Variants in PDC observed in about 807,000 individuals in gnomAD.
PDC encodes the protein phosducin.
A neutral mutation model predicts 22.2 loss-of-function variants in PDC; 19 were observed. That is an observed-to-expected ratio of 0.86 (90% CI 0.60 to 1.26). The LOEUF (loss-of-function observed/expected upper bound fraction) is 1.26. PDC is among the 50% of genes most tolerant of loss of function. The probability of loss-of-function intolerance (pLI) is 0.00; values close to 1 mark genes in which losing one functional copy is unlikely to be tolerated. For synonymous variants in PDC, 97 were observed against 96.2 expected (o/e 1.01, Z -0.05); for missense variants, 274 against 286.8 (o/e 0.96, Z 0.32).
chr1:186,456,166 A>C (rs1301051434), intron 1 of PDC, among the ~76,000 whole-genome samples: 1 of 151,554 alleles, frequency 6.6e-6, no homozygotes, highest in Non-Finnish European at 1.5e-5. Flanking sequence ...GCTCTAAAAA[A>C]GTAAATCAGA....
intron 1 of PDC, among the ~76,000 whole-genome samples, chr1:186,459,651 C>A (rs527373927): frequency 6.5e-4 from 98 of 150,202 alleles, no homozygotes; most frequent in African/African-American, 2.2e-3. Context: ...AGTATTTGGG[C>A]AGAAATTGTC....
intron 1 of PDC, among the ~76,000 whole-genome samples, chr1:186,450,296 A>G (rs1039494647): frequency 6.6e-6 from 1 of 152,142 alleles, no homozygotes; most frequent in African/African-American, 2.4e-5. Context: ...GCCACCAAGC[A>G]AATGGAAATA....
At position 186,444,045 on chromosome 1, in the gene PDC, C is replaced by T. The variant is rs1022692737; in HGVS notation, c.675G>A (p.Gly225=). The T allele has an allele frequency of 6.2e-7, 1 of 1,612,156 alleles. No individual in the cohort carries two copies. Among genetic ancestry groups the T allele is most frequent in the Admixed American group, 1.7e-5 (1 of 59,998 alleles). The change falls in exon 4 of 4, where the codon GGG becomes GGA. Residue 225 remains glycine, a synonymous_variant. Transcript: ENST00000391997. ...CATGTACCTCTCTTTCAGGTAGTAA[C>T]CCATATTCATTTAGGAAAGACTCCA... ...GDVESFLNEY[G]LLPEREVHVL... is the part of the protein sequence containing the mutation.
chr1:186,457,700 C>T (rs964019972), intron 1 of PDC, among the ~76,000 whole-genome samples: 4 of 152,042 alleles, frequency 2.6e-5, no homozygotes, highest in African/African-American at 9.7e-5. Flanking sequence ...TAAGAGTTTT[C>T]TTTAAAATTA....
At chr1:186,451,269 G>A (rs982922065) in intron 1 of PDC, 1 of 152,130 alleles carries the variant, frequency 6.6e-6, no homozygotes, top group African/African-American at 2.4e-5. Flanking sequence ...ATTTCACAAT[G>A]TTTAGGTAAG....
At chr1:186,456,147 A>G (rs1359060246) in intron 1 of PDC, among the ~76,000 whole-genome samples, 1 of 151,094 alleles carries the variant, frequency 6.6e-6, no homozygotes, top group African/African-American at 2.4e-5. Flanking sequence ...CAGTAAAATT[A>G]AGGGTATTGC....
intron 1 of PDC, among the ~76,000 whole-genome samples, chr1:186,451,918 G>A (rs1224022070): frequency 6.6e-6 from 1 of 152,170 alleles, no homozygotes; most frequent in Admixed American, 6.5e-5. Flanking sequence ...AATCAACTGG[G>A]TTGCCTGTTT....
chr1:186,447,084 A>G (rs557565536), intron 2 of PDC, among the ~76,000 whole-genome samples: 2 of 152,308 alleles, frequency 1.3e-5, no homozygotes, highest in East Asian at 3.9e-4. Flanking sequence ...GAAAATTATT[A>G]CGAGAACATC....
intron 2 of PDC, 29 bp from the exon 3 acceptor site, chr1:186,446,606 T>C (rs1662233602): frequency 7.2e-7 from 1 of 1,393,304 alleles, no homozygotes; most frequent in Non-Finnish European, 9.9e-7. Flanking sequence ...TAAATTGTTT[T>C]CCTTTTTATT....
At chr1:186,455,994 A>AAAAAAAT (rs1553242743) in intron 1 of PDC, among the ~76,000 whole-genome samples, 47 of 77,080 alleles carry the variant, frequency 6.1e-4, no homozygotes, top group South Asian at 1.1e-3. Context: ...AAAAAAAAAA[A>AAAAAAAT]ATATATATAT....
intron 1 of PDC, among the ~76,000 whole-genome samples, chr1:186,459,328 C>T (rs1662531637): frequency 6.6e-6 from 1 of 152,166 alleles, no homozygotes; most frequent in Admixed American, 6.5e-5. Flanking sequence ...CACGCGCCGC[C>T]ACGCCTGACT....
At chr1:186,446,971 A>G (rs1265845716) in intron 2 of PDC, among the ~76,000 whole-genome samples, 1 of 152,194 alleles carries the variant, frequency 6.6e-6, no homozygotes, top group Non-Finnish European at 1.5e-5. Context: ...TTACAGTATT[A>G]ATAAAGGAAA....
intron 1 of PDC, among the ~76,000 whole-genome samples, chr1:186,457,305 GACAACACC>G (rs1351399611): frequency 6.6e-6 from 1 of 152,110 alleles, no homozygotes; most frequent in Non-Finnish European, 1.5e-5. Flanking sequence ...AGATAGGTTT[GACAACACC>G]ATGTCAGATC....
intron 1 of PDC, among the ~76,000 whole-genome samples, 180 bp from the exon 2 acceptor site, chr1:186,449,663 T>C (rs1163040594): frequency 6.6e-6 from 1 of 152,180 alleles, no homozygotes; most frequent in African/African-American, 2.4e-5. Context: ...AATGTTTCTG[T>C]CCGCAATGTA....
chr1:186,444,681 G>A (rs1222693858), intron 3 of PDC, among the ~76,000 whole-genome samples, 175 bp from the exon 4 acceptor site: 1 of 151,840 alleles, frequency 6.6e-6, no homozygotes. Flanking sequence ...TTGTTTAAAT[G>A]TCACCTTCCT....
intron 2 of PDC, among the ~76,000 whole-genome samples, chr1:186,447,230 C>A (rs1215722072): frequency 6.6e-6 from 1 of 151,926 alleles, no homozygotes; most frequent in African/African-American, 2.4e-5. Flanking sequence ...CTCACCGCAA[C>A]CTCCACTTCC....
intron 3 of PDC, 36 bp from the exon 4 acceptor site, chr1:186,444,542 G>A: frequency 8.5e-6 from 12 of 1,409,884 alleles, no homozygotes; most frequent in Non-Finnish European, 1.1e-5. Flanking sequence ...TATTAAGTCA[G>A]AAGTTTTATT....
intron 1 of PDC, among the ~76,000 whole-genome samples, chr1:186,450,712 GC>G (rs1290669692): frequency 6.6e-6 from 1 of 152,062 alleles, no homozygotes; most frequent in African/African-American, 2.4e-5. Context: ...ACTCCTTGGT[GC>G]CCGCATGTAG....
At chr1:186,457,761 T>C (rs1662498089) in intron 1 of PDC, among the ~76,000 whole-genome samples, 2 of 152,210 alleles carry the variant, frequency 1.3e-5, no homozygotes, top group South Asian at 4.1e-4. Flanking sequence ...TCAAAATGGC[T>C]ATAACAAATT....
Sources: allele counts gnomAD v4.1 joint callset (sites outside exome capture counted in the v4.1 genomes callset), GRCh38; gene constraint gnomAD v4.1.1; transcripts MANE v1.5; gene names NCBI Gene and HGNC (gene_info 2026-07-23, HGNC 2026-07-21).